CCDC178: variants seen among roughly 807,000 people sequenced by gnomAD.
The protein encoded by CCDC178 is coiled-coil domain containing 178.
Under a neutral mutation model 117.4 loss-of-function variants are expected in CCDC178, and 126 were observed. The ratio of observed to expected loss-of-function variants is 1.07; its 90% confidence interval spans 0.93 to 1.24. The LOEUF is 1.24. Ranked by LOEUF, CCDC178 falls within the 50% of genes most tolerant of loss-of-function variation. The pLI is 0.00. For missense variants in CCDC178, 1,030 were observed against 986.9 expected (o/e 1.04, Z -0.59); for synonymous variants, 283 against 313.4 (o/e 0.90, Z 1.02).
intron 11 of CCDC178, among the ~76,000 whole-genome samples, chr18:33,308,287 T>C (rs1323403794): frequency 6.6e-6 from 1 of 152,196 alleles, no homozygotes; most frequent in Non-Finnish European, 1.5e-5. Flanking sequence ...GGAGATCTAT[T>C]TTGGGACTTT....
intron 20 of CCDC178, among the ~76,000 whole-genome samples, chr18:33,160,281 A>G (rs747364934): frequency 6.6e-6 from 1 of 152,132 alleles, no homozygotes; most frequent in Non-Finnish European, 1.5e-5. Context: ...ATTGAATTAT[A>G]TTTTCTTGAA....
chr18:33,279,062 ACT>A (rs1599094779), intron 12 of CCDC178, among the ~76,000 whole-genome samples: 16 of 150,734 alleles, frequency 1.1e-4, no homozygotes, highest in Admixed American at 2.0e-4. Context: ...GGATGCCCTC[ACT>A]CACCACTCCT....
intron 20 of CCDC178, among the ~76,000 whole-genome samples, chr18:33,181,529 CAT>C: frequency 6.6e-6 from 1 of 152,042 alleles, no homozygotes; most frequent in South Asian, 2.1e-4. Context: ...TGCATGCAAA[CAT>C]GTGCCATCTT....
At chr18:33,094,904 A>C (rs2057520495) in intron 20 of CCDC178, among the ~76,000 whole-genome samples, 1 of 151,996 alleles carries the variant, frequency 6.6e-6, no homozygotes, top group South Asian at 2.1e-4. Flanking sequence ...CCTGAAAGTC[A>C]GTGACCTTCA....
At chr18:33,068,844 A>T (rs1345235504) in intron 21 of CCDC178, among the ~76,000 whole-genome samples, 2 of 152,160 alleles carry the variant, frequency 1.3e-5, no homozygotes, top group Non-Finnish European at 2.9e-5. Flanking sequence ...ATAAATAAAT[A>T]AAAGGCATCC....
intron 3 of CCDC178, among the ~76,000 whole-genome samples, chr18:33,404,456 A>G (rs1055852867): frequency 4.6e-5 from 7 of 152,070 alleles, no homozygotes; most frequent in East Asian, 1.9e-4. Context: ...CAAGAAACTA[A>G]TAACTGTTGG....
chr18:33,027,885 C>A (rs1037077784), intron 21 of CCDC178, among the ~76,000 whole-genome samples: 9 of 151,136 alleles, frequency 6.0e-5, no homozygotes, highest in South Asian at 2.1e-4. Flanking sequence ...CAACAGATTT[C>A]CAACCAAAAA....
intron 18 of CCDC178, among the ~76,000 whole-genome samples, chr18:33,219,528 A>C (rs1345196541): frequency 6.6e-6 from 1 of 152,180 alleles, no homozygotes; most frequent in Admixed American, 6.5e-5. Flanking sequence ...AACCAATCCA[A>C]ATGTCCATCA....
intron 21 of CCDC178, among the ~76,000 whole-genome samples, chr18:33,002,079 C>T (rs1438441583): frequency 2.0e-5 from 3 of 152,102 alleles, no homozygotes; most frequent in Admixed American, 6.5e-5. Flanking sequence ...ATAATAACAG[C>T]TGGAGATTTC....
rs976627611 is a variant in CCDC178 at position 33,021,351 on chromosome 18, A to G, written c.2389-46670T>C. Reference sequence around the variant, plus strand: ...TATTTTCTCATATATTTTCATTTTCATTGTTACTGACTCTTTCAGCTCCAT... The same window carrying G: ...TATTTTCTCATATATTTTCATTTTCGTTGTTACTGACTCTTTCAGCTCCAT... On this transcript the variant is annotated intron_variant, in intron 21 of 22. Transcript: ENST00000383096. Among the ~76,000 whole-genome samples the G allele has an allele frequency of 3.3e-5, 5 of 152,054 alleles. No homozygotes were observed. In the East Asian group the frequency reaches 9.7e-4, roughly 29 times the overall value.
At chr18:33,368,616 C>T (rs543252411) in intron 6 of CCDC178, among the ~76,000 whole-genome samples, 2 of 151,802 alleles carry the variant, frequency 1.3e-5, no homozygotes, top group Non-Finnish European at 2.9e-5. Flanking sequence ...AGCACCAAGT[C>T]GGATTCAGGA....
In CCDC178 at chr18:33,428,686, C is replaced by T. The variant is rs191820781; in HGVS notation, c.-23+11276G>A. On this transcript the variant is annotated intron_variant, in intron 2 of 22. Transcript: ENST00000383096. Reference sequence around the variant, plus strand: ...GATGGAGGTTGCAGTGAGCCAAGATCGCCCACTTGCACTCCAGCCTGGCAA... The same window carrying T: ...GATGGAGGTTGCAGTGAGCCAAGATTGCCCACTTGCACTCCAGCCTGGCAA... 2.8e-5 allele frequency among the ~76,000 whole-genome samples: 4 copies of T among 142,608 alleles called. No homozygotes were observed. The East Asian group carries it at 8.3e-4, about 29-fold the overall frequency. The allele number at this position is 142,608 out of a possible 152,430, so 93.6% of individuals were successfully genotyped here.
chr18:33,014,718 GTC>G (rs1195142622), intron 21 of CCDC178, among the ~76,000 whole-genome samples: 5 of 152,230 alleles, frequency 3.3e-5, no homozygotes, highest in African/African-American at 1.2e-4. Flanking sequence ...AAAAATATTT[GTC>G]AAATTACTAG....
chr18:33,346,707 T>A (rs985653028), intron 8 of CCDC178, among the ~76,000 whole-genome samples: 2 of 152,154 alleles, frequency 1.3e-5, no homozygotes, highest in Non-Finnish European at 2.9e-5. Context: ...GTGCTATTTA[T>A]AAGCTGTACT....
At chr18:33,266,875 T>G in intron 14 of CCDC178, 41 bp downstream of exon 14, 1 of 1,443,272 alleles carries the variant, frequency 6.9e-7, no homozygotes, top group Non-Finnish European at 9.3e-7. Context: ...TTTAACATAT[T>G]GGATTATGGT....
chr18:33,378,460 G>A (rs2063392886), intron 5 of CCDC178, among the ~76,000 whole-genome samples: 1 of 152,092 alleles, frequency 6.6e-6, no homozygotes, highest in Non-Finnish European at 1.5e-5. Flanking sequence ...GCTATGGCAA[G>A]GACTTCCAAT....
chr18:33,350,988 A>T (rs940597624), intron 7 of CCDC178, among the ~76,000 whole-genome samples: 2 of 152,192 alleles, frequency 1.3e-5, no homozygotes, highest in African/African-American at 2.4e-5. Flanking sequence ...ACCATCAGGT[A>T]TAATATAAAC....
intron 20 of CCDC178, among the ~76,000 whole-genome samples, chr18:33,099,201 T>C (rs903413456): frequency 1.3e-4 from 20 of 152,048 alleles, no homozygotes; most frequent in Admixed American, 2.6e-4. Flanking sequence ...CAATAAAATG[T>C]ATCCACATAT....
intron 20 of CCDC178, among the ~76,000 whole-genome samples, chr18:33,192,102 G>T (rs2058866039): frequency 6.6e-6 from 1 of 152,128 alleles, no homozygotes; most frequent in East Asian, 1.9e-4. Flanking sequence ...TAGGTACTGT[G>T]GTGACATGAA....
Sources: gnomAD v4.1 joint callset for allele counts (sites outside exome capture counted in the v4.1 genomes callset) on GRCh38, gnomAD v4.1.1 for gene constraint, MANE v1.5 for transcripts, NCBI Gene and HGNC (gene_info 2026-07-23, HGNC 2026-07-21) for gene names.